Variants in ABI3BP observed in about 807,000 individuals in gnomAD.
The protein encoded by ABI3BP is target of Nesh-SH3.
A neutral mutation model predicts 268.6 loss-of-function variants in ABI3BP; 216 were observed. The observed-to-expected ratio is 0.80, with a 90% CI of 0.72 to 0.90. The LOEUF is 0.90. ABI3BP is among the 40% of genes least tolerant of loss of function. The probability of loss-of-function intolerance (pLI) is 0.00; values close to 1 mark genes in which losing one functional copy is unlikely to be tolerated. For synonymous variants in ABI3BP, 730 were observed against 730.0 expected, an observed-to-expected ratio of 1.00 and a Z score of 0.00; for missense variants, 2,090 against 2,182.4, an observed-to-expected ratio of 0.96 and a Z score of 0.84.
chr3:100,902,773 T>G, intron 2 of ABI3BP, 87 bp from the exon 3 acceptor site: 1 of 1,090,514 alleles, frequency 9.2e-7, no homozygotes, highest in Non-Finnish European at 1.4e-6. Context: ...CAGCATTCCC[T>G]GAGTCATCCT....
At chr3:100,852,951 G>A (rs921423839) in intron 14 of ABI3BP, among the ~76,000 whole-genome samples, 5 of 152,180 alleles carry the variant, frequency 3.3e-5, no homozygotes, top group Non-Finnish European at 5.9e-5. Context: ...GAATTATTAC[G>A]AGGTAGATGT....
rs115417304 is a variant in ABI3BP, at chr3:100,900,823, A to G, written c.328+1795T>C. On this transcript the variant is annotated intron_variant, in intron 3 of 67. Coordinates refer to ENST00000471714, the MANE Select transcript of ABI3BP (RefSeq NM_001375547.2). ...GTTATATCCTGAGCAAGATGAAGCA[A>G]TTTCCTGAGCTGGTCATAAAGTAAA... Among the ~76,000 whole-genome samples the G allele has an allele frequency of 4.1e-3, 631 of 152,300 alleles. 1 individual carries two copies. The highest frequency in any genetic ancestry group is 0.015 in the African/African-American group (605 of 41,560).
chr3:100,795,533 C>A (rs557025187), intron 53 of ABI3BP, among the ~76,000 whole-genome samples: 14 of 152,032 alleles, frequency 9.2e-5, no homozygotes, highest in South Asian at 2.1e-4. Flanking sequence ...TAAATGGGCA[C>A]CATTAGTAAA....
chr3:100,855,317 G>C (rs2055546), intron 14 of ABI3BP, among the ~76,000 whole-genome samples: 52,287 of 152,130 alleles, frequency 0.34, 9,424 homozygotes, highest in African/African-American at 0.44. Context: ...TGATACTGCT[G>C]TGGAAACATG....
chr3:100,920,729 C>T (rs1202833049), intron 2 of ABI3BP, among the ~76,000 whole-genome samples: 1 of 152,178 alleles, frequency 6.6e-6, no homozygotes, highest in East Asian at 1.9e-4. Flanking sequence ...CCTATATTAG[C>T]TTCTTTATAT....
chr3:100,865,015 C>G, intron 10 of ABI3BP, 108 bp from the exon 11 acceptor site: 1 of 836,244 alleles, frequency 1.2e-6, no homozygotes, highest in Non-Finnish European at 1.9e-6. Flanking sequence ...ATTTGTATAG[C>G]CCATTTCTTT....
At chr3:100,862,245 T>A (rs1165783871) in intron 14 of ABI3BP, 66 bp downstream of exon 14, 3 of 1,097,898 alleles carry the variant, frequency 2.7e-6, no homozygotes, top group Non-Finnish European at 3.9e-6. Flanking sequence ...AAGGAACCTA[T>A]AAAAACAATA....
chr3:100,908,576 A>G (rs2054664992), intron 2 of ABI3BP, among the ~76,000 whole-genome samples: 1 of 152,132 alleles, frequency 6.6e-6, no homozygotes, highest in South Asian at 2.1e-4. Context: ...ATACAAAATC[A>G]ATGTGCAAAA....
intron 50 of ABI3BP, among the ~76,000 whole-genome samples, 164 bp from the exon 51 acceptor site, chr3:100,805,030 A>G (rs1012582492): frequency 4.6e-5 from 7 of 152,130 alleles, no homozygotes; most frequent in Non-Finnish European, 8.8e-5. Flanking sequence ...AAGCTCTAGA[A>G]ATAGGTTAGT....
At chr3:100,804,592 T>C (rs2097647260) in intron 51 of ABI3BP, among the ~76,000 whole-genome samples, 200 bp downstream of exon 51, 1 of 152,154 alleles carries the variant, frequency 6.6e-6, no homozygotes, top group African/African-American at 2.4e-5. Context: ...TTCTCTGCCT[T>C]TTGACTGTGA....
chr3:100,890,940 G>T (rs2044333578), intron 4 of ABI3BP, among the ~76,000 whole-genome samples: 1 of 150,162 alleles, frequency 6.7e-6, no homozygotes, highest in Non-Finnish European at 1.5e-5. Context: ...CCCAGTTTAG[G>T]TCATTAATAT....
chr3:100,943,971 T>C (rs892034763), intron 1 of ABI3BP, among the ~76,000 whole-genome samples: 27 of 152,258 alleles, frequency 1.8e-4, no homozygotes, highest in Admixed American at 3.9e-4. Context: ...CTCTTCTATT[T>C]ATAATAGACA....
intron 2 of ABI3BP, among the ~76,000 whole-genome samples, chr3:100,923,879 T>C (rs7431835): frequency 6.6e-5 from 10 of 152,024 alleles, no homozygotes; most frequent in Admixed American, 6.6e-4. Flanking sequence ...GATGGAGAAT[T>C]TTATTGTGAG....
intron 1 of ABI3BP, among the ~76,000 whole-genome samples, chr3:100,960,122 GGTAGACA>G (rs2078479848): frequency 6.6e-6 from 1 of 152,030 alleles, no homozygotes; most frequent in Admixed American, 6.5e-5. Flanking sequence ...TCATGGAAAA[GGTAGACA>G]GTATGTATAA....
Position 100,850,702 on chromosome 3 carries a change from G to T in ABI3BP, c.1384C>A (p.Pro462Thr), listed in dbSNP as rs778253620. The T allele has an allele frequency of 2.2e-5, 35 of 1,613,256 alleles. No individual in the cohort carries two copies. Among genetic ancestry groups the T allele is most frequent in the South Asian group, 5.5e-5 (5 of 91,040 alleles). Reference protein sequence around the residue: ...TSDRILDSIPPKTSRTLEQPR... With the variant: ...TSDRILDSIPTKTSRTLEQPR... ...TGTTCAAGAGTTCTAGAAGTTTTAGGTGGGATAGAATCCAGAATACGATCA... is the reference window on the plus strand; with the variant it reads ...TGTTCAAGAGTTCTAGAAGTTTTAGTTGGGATAGAATCCAGAATACGATCA... The change falls in exon 16 of 68, where the codon CCT (proline) becomes ACT (threonine). Residue 462 changes from proline (P) to threonine (T), a missense_variant. Physicochemically the swap from Pro to Thr is conservative, Grantham distance 38. Transcript: ENST00000471714.
chr3:100,945,207 A>AT (rs2071528389), intron 1 of ABI3BP, among the ~76,000 whole-genome samples: 1 of 152,100 alleles, frequency 6.6e-6, no homozygotes, highest in East Asian at 1.9e-4. Flanking sequence ...TTTCCAGATA[A>AT]TTTTTTCACA....
At chr3:100,838,489 C>T (rs1463828665) in intron 24 of ABI3BP, 25 bp from the exon 25 acceptor site, 1 of 1,510,158 alleles carries the variant, frequency 6.6e-7, no homozygotes, top group African/African-American at 1.4e-5. Context: ...ATTAAAATTA[C>T]CACAATGGGT....
intron 58 of ABI3BP, among the ~76,000 whole-genome samples, chr3:100,779,130 C>G (rs1250092719): frequency 6.6e-6 from 1 of 152,156 alleles, no homozygotes; most frequent in Non-Finnish European, 1.5e-5. Flanking sequence ...CCATTCTCAG[C>G]TCTATTATGT....
chr3:100,889,884 G>C (rs1182653609), intron 4 of ABI3BP, among the ~76,000 whole-genome samples: 1 of 152,096 alleles, frequency 6.6e-6, no homozygotes, highest in Non-Finnish European at 1.5e-5. Flanking sequence ...CTAGTAGCAT[G>C]ACCTTGGGAG....
Sources: gnomAD v4.1 joint callset for allele counts (sites outside exome capture counted in the v4.1 genomes callset) on GRCh38, gnomAD v4.1.1 for gene constraint, MANE v1.5 for transcripts, NCBI Gene and HGNC (gene_info 2026-07-23, HGNC 2026-07-21) for gene names.